UGGT2: variants seen among roughly 807,000 people sequenced by gnomAD.
UGGT2 encodes the protein UDP-glucose glycoprotein glucosyltransferase 2, also known as UDP-glucose:glycoprotein glucosyltransferase 2.
In UGGT2, 180 loss-of-function variants were observed where a neutral mutation model predicts 192.1. The observed-to-expected ratio is 0.94, with a 90% CI of 0.83 to 1.06. The LOEUF is 1.06. UGGT2 is among the 50% of genes least tolerant of loss of function. UGGT2 has a pLI of 0.00. For synonymous variants in UGGT2, 580 were observed against 591.0 expected (o/e 0.98, Z 0.27); for missense variants, 1,849 against 1,795.7 (o/e 1.03, Z -0.54).
chr13:95,950,952 T>C (rs1484238194), intron 12 of UGGT2, among the ~76,000 whole-genome samples: 2 of 152,038 alleles, frequency 1.3e-5, no homozygotes, highest in Non-Finnish European at 2.9e-5. Flanking sequence ...ATCTAGCATA[T>C]AGGTAACTAA....
chr13:95,880,396 C>A (rs1289253629), intron 27 of UGGT2, among the ~76,000 whole-genome samples: 1 of 152,156 alleles, frequency 6.6e-6, no homozygotes, highest in Non-Finnish European at 1.5e-5. Context: ...GATAGTACAT[C>A]TTTTTCTTGC....
chr13:95,952,521 T>C (rs2050098221), intron 12 of UGGT2, among the ~76,000 whole-genome samples: 1 of 152,182 alleles, frequency 6.6e-6, no homozygotes, highest in Admixed American at 6.5e-5. Flanking sequence ...ATGTAAATAG[T>C]TGTTATATTG....
intron 38 of UGGT2, among the ~76,000 whole-genome samples, chr13:95,829,164 G>A (rs981349720): frequency 2.0e-5 from 3 of 152,220 alleles, no homozygotes; most frequent in East Asian, 1.9e-4. Context: ...TTGATGGGAC[G>A]TATCTCAAAA....
At chr13:95,933,398 A>G (rs2049353870) in intron 17 of UGGT2, among the ~76,000 whole-genome samples, 1 of 152,164 alleles carries the variant, frequency 6.6e-6, no homozygotes, top group Non-Finnish European at 1.5e-5. Flanking sequence ...CTATGGGATC[A>G]GTTGTAATGT....
chr13:95,845,818 G>A lies in UGGT2; in HGVS notation c.4284+7725C>T, dbSNP rs971455957. ...CAGAGGCGCTCTTCACATCTCAGAC[G>A]GGGTGGCGGGGTGGCGGGGCAGAGG... On this transcript the variant is annotated intron_variant, in intron 36 of 38. Transcript: ENST00000376747. Among the ~76,000 whole-genome samples the A allele has an allele frequency of 4.5e-4, 68 of 150,790 alleles. 1 individual carries two copies. Among genetic ancestry groups the A allele is most frequent in the African/African-American group, 1.5e-3 (60 of 40,922 alleles).
intron 20 of UGGT2, among the ~76,000 whole-genome samples, chr13:95,925,153 T>C (rs972618173): frequency 1.3e-5 from 2 of 152,228 alleles, no homozygotes; most frequent in African/African-American, 2.4e-5. Context: ...CAGACAGTTA[T>C]GAAAGACTAC....
At chr13:96,019,877 G>C (rs534648316) in intron 4 of UGGT2, among the ~76,000 whole-genome samples, 1 of 152,298 alleles carries the variant, frequency 6.6e-6, no homozygotes, top group East Asian at 1.9e-4. Flanking sequence ...CTTATGCCTG[G>C]TGAAATGGTA....
intron 1 of UGGT2, among the ~76,000 whole-genome samples, chr13:96,048,211 G>C (rs772176462): frequency 3.9e-5 from 6 of 152,152 alleles, no homozygotes; most frequent in Admixed American, 6.6e-5. Context: ...CATGAAAACT[G>C]AACAACCTGC....
chr13:95,988,163 A>G (rs555312927), intron 8 of UGGT2, among the ~76,000 whole-genome samples: 29 of 152,118 alleles, frequency 1.9e-4, no homozygotes, highest in Non-Finnish European at 2.9e-4. Flanking sequence ...AAATACTGGA[A>G]TCGAATAATC....
intron 38 of UGGT2, among the ~76,000 whole-genome samples, chr13:95,807,903 C>T (rs1884399464): frequency 1.3e-5 from 2 of 151,912 alleles, no homozygotes; most frequent in South Asian, 4.2e-4. Flanking sequence ...ATATTATCAT[C>T]CTTCCAGACT....
Position 95,890,893 on chromosome 13 carries a change from CTT to C in UGGT2, c.2925_2926del (p.Glu977SerfsTer26), listed in dbSNP as rs1201917968. Reference sequence around the variant, plus strand: ...CAACTGTGCCATTTTCTGTGCTTCTCTTGTTAATGGATCAACAATAGCAATGA... The same window carrying C: ...CAACTGTGCCATTTTCTGTGCTTCTCGTTAATGGATCAACAATAGCAATGA... On this transcript the variant is annotated frameshift_variant, in exon 25 of 39. Transcript: ENST00000376747. LOFTEE classifies it high-confidence loss of function. The C allele has an allele frequency of 6.2e-7, 1 of 1,612,908 alleles. No individual in the cohort carries two copies. Among genetic ancestry groups the C allele is most frequent in the Non-Finnish European group, 8.5e-7 (1 of 1,179,386 alleles).
intron 38 of UGGT2, among the ~76,000 whole-genome samples, chr13:95,823,578 C>T (rs751217154): frequency 4.6e-5 from 7 of 152,002 alleles, no homozygotes; most frequent in African/African-American, 9.7e-5. Flanking sequence ...AGAATAGCTA[C>T]GCCTGCTTGC....
chr13:96,050,456 C>T (rs1015490823), intron 1 of UGGT2, among the ~76,000 whole-genome samples: 7 of 152,142 alleles, frequency 4.6e-5, no homozygotes, highest in African/African-American at 1.7e-4. Flanking sequence ...AAAGCAATGG[C>T]AACAAAAGCC....
chr13:95,991,781 A>T (rs1566802791), intron 7 of UGGT2, among the ~76,000 whole-genome samples: 1 of 152,192 alleles, frequency 6.6e-6, no homozygotes, highest in Non-Finnish European at 1.5e-5. Context: ...CACTGCTAAA[A>T]TTCTTTATAT....
intron 6 of UGGT2, among the ~76,000 whole-genome samples, chr13:95,997,450 C>T (rs923491555): frequency 6.6e-6 from 1 of 152,048 alleles, no homozygotes; most frequent in Non-Finnish European, 1.5e-5. Context: ...CAATACCAGC[C>T]TGGCCAACAT....
chr13:95,986,170 C>G (rs1469682993), intron 9 of UGGT2, among the ~76,000 whole-genome samples, 163 bp downstream of exon 9: 3 of 152,016 alleles, frequency 2.0e-5, no homozygotes. Flanking sequence ...ATATTTTGCT[C>G]TAATCAAAAA....
chr13:95,997,559 C>T (rs184874257), intron 6 of UGGT2, among the ~76,000 whole-genome samples: 90 of 152,258 alleles, frequency 5.9e-4, no homozygotes, highest in Non-Finnish European at 1.0e-3. Context: ...AAGAGAATTG[C>T]TTCAATCCGG....
intron 25 of UGGT2, among the ~76,000 whole-genome samples, chr13:95,890,046 C>A (rs1181426087): frequency 6.6e-6 from 1 of 152,142 alleles, no homozygotes; most frequent in Non-Finnish European, 1.5e-5. Flanking sequence ...ACACTTAGAC[C>A]AGGAGATGAA....
At chr13:96,043,088 G>A (rs1212700795) in intron 1 of UGGT2, among the ~76,000 whole-genome samples, 1 of 152,152 alleles carries the variant, frequency 6.6e-6, no homozygotes, top group Non-Finnish European at 1.5e-5. Flanking sequence ...TAAGATGAAG[G>A]AAAGAATCTT....
Sources: allele counts gnomAD v4.1 joint callset (sites outside exome capture counted in the v4.1 genomes callset), GRCh38; gene constraint gnomAD v4.1.1; transcripts MANE v1.5; gene names NCBI Gene and HGNC (gene_info 2026-07-23, HGNC 2026-07-21).